The following MAP3K5 variants were observed in gnomAD, a reference collection of about 807,000 sequenced individuals.
MAP3K5 encodes ASK-1.
MAP3K5 carries 56 observed loss-of-function variants against 158.7 expected under a neutral mutation model. That is an observed-to-expected ratio of 0.35 (90% CI 0.28 to 0.44). The LOEUF (loss-of-function observed/expected upper bound fraction) is 0.44, where lower values mean the gene tolerates loss of function less well. Ranked by LOEUF, MAP3K5 falls within the 20% of genes least tolerant of loss-of-function variation. The pLI, the probability that MAP3K5 is intolerant of heterozygous loss-of-function variation, is 1.00. For synonymous variants in MAP3K5, 579 were observed against 601.7 expected (o/e 0.96, Z 0.55); for missense variants, 1,294 against 1,674.8 (o/e 0.77, Z 3.97).
intron 2 of MAP3K5, among the ~76,000 whole-genome samples, chr6:136,711,341 C>A (rs139788441): frequency 1.3e-5 from 2 of 152,182 alleles, no homozygotes; most frequent in East Asian, 3.9e-4. Context: ...CCAAACAAGT[C>A]ATCACGCGTC....
intron 2 of MAP3K5, among the ~76,000 whole-genome samples, chr6:136,711,674 A>G (rs1273843849): frequency 2.7e-5 from 1 of 37,044 alleles, no homozygotes; most frequent in African/African-American, 1.2e-4. Context: ...AAAAAAAAAA[A>G]GAAAGAAAGA....
In MAP3K5 at chr6:136,663,568, A is replaced by G. The variant is rs74861875; in HGVS notation, c.1367-4190T>C. ...CCAAACCAGAATCCAATCAAGGAAC[A>G]TTAATTGCATTTAGTTTTTATGTCT... On this transcript the variant is annotated intron_variant, in intron 8 of 29. Coordinates refer to ENST00000359015, the MANE Select transcript of MAP3K5 (RefSeq NM_005923.4). Among the ~76,000 whole-genome samples, 454 of 150,084 alleles carry G rather than the reference A, an allele frequency of 3.0e-3. 16 individuals are homozygous for G. The East Asian group carries it at 0.048, about 16-fold the overall frequency.
At chr6:136,688,121 T>G (rs1016638327) in intron 7 of MAP3K5, among the ~76,000 whole-genome samples, 4 of 152,002 alleles carry the variant, frequency 2.6e-5, no homozygotes, top group Admixed American at 2.6e-4. Flanking sequence ...CCTTTGCAGG[T>G]ACATGGATGA....
At chr6:136,589,611 C>A (rs1775294560) in intron 23 of MAP3K5, among the ~76,000 whole-genome samples, 2 of 152,068 alleles carry the variant, frequency 1.3e-5, no homozygotes, top group Non-Finnish European at 2.9e-5. Context: ...GGAGACAGGG[C>A]CTCAAAAGGG....
intron 15 of MAP3K5, among the ~76,000 whole-genome samples, chr6:136,616,811 CT>C (rs1269985052): frequency 1.3e-5 from 2 of 152,118 alleles, no homozygotes; most frequent in Non-Finnish European, 2.9e-5. Flanking sequence ...TCACTGCACC[CT>C]CAGCCTCCCA....
At chr6:136,744,238 A>G (rs963412203) in intron 1 of MAP3K5, among the ~76,000 whole-genome samples, 14 of 152,190 alleles carry the variant, frequency 9.2e-5, no homozygotes, top group African/African-American at 3.4e-4. Context: ...GTATATTAAC[A>G]GCAGAGGAGG....
At position 136,567,906 on chromosome 6, in the gene MAP3K5, T is replaced by G. The variant is rs147911318; in HGVS notation, c.3518-32A>C. 57 of 1,603,582 alleles carry G rather than the reference T, an allele frequency of 3.6e-5. No individual in the cohort carries two copies. The African/African-American group carries it at 5.3e-4, about 15-fold the overall frequency. On this transcript the variant is annotated intron_variant, in intron 25 of 29. Transcript: ENST00000359015. The stretch of plus-strand genomic sequence containing the variant: ...GGCATAATATCAGTGGTAGTGTTTA[T>G]AAAATATGACTCATTGCCTTAATTT...
At chr6:136,787,212 A>G (rs1306397106) in intron 1 of MAP3K5, among the ~76,000 whole-genome samples, 2 of 152,106 alleles carry the variant, frequency 1.3e-5, no homozygotes, top group African/African-American at 4.8e-5. Context: ...AAAAGGAAAA[A>G]AGCAAACAAA....
chr6:136,771,038 A>G (rs1784177863), intron 1 of MAP3K5, among the ~76,000 whole-genome samples: 2 of 152,220 alleles, frequency 1.3e-5, no homozygotes, highest in African/African-American at 4.8e-5. Context: ...GGAACTAGAC[A>G]TGGAAACCAA....
intron 14 of MAP3K5, among the ~76,000 whole-genome samples, chr6:136,624,783 T>C (rs1480056248): frequency 6.6e-6 from 1 of 152,184 alleles, no homozygotes; most frequent in Non-Finnish European, 1.5e-5. Flanking sequence ...AAAAATTTCA[T>C]GATCTTAAAA....
chr6:136,619,571 C>T (rs541352607), intron 15 of MAP3K5, among the ~76,000 whole-genome samples: 1 of 152,304 alleles, frequency 6.6e-6, no homozygotes, highest in South Asian at 2.1e-4. Flanking sequence ...TTTGTTACAA[C>T]TGATGGACCT....
intron 3 of MAP3K5, among the ~76,000 whole-genome samples, chr6:136,700,915 A>G (rs1289848436): frequency 6.6e-6 from 1 of 152,234 alleles, no homozygotes. Flanking sequence ...ATTCCTAGCC[A>G]TATGAGCATA....
chr6:136,698,711 G>C lies in MAP3K5; in HGVS notation c.613-29C>G. ...CGGAGAGAGGAGGCATCGGCAAGTGGGGAGCTGGCCTGGAGACACGGCACA... is the reference window on the plus strand; with the variant it reads ...CGGAGAGAGGAGGCATCGGCAAGTGCGGAGCTGGCCTGGAGACACGGCACA... On this transcript the variant is annotated intron_variant, in intron 3 of 29. Transcript: ENST00000359015. 4 of 1,575,342 alleles carry C rather than the reference G, an allele frequency of 2.5e-6. No individual in the cohort carries two copies. The South Asian group carries it at 4.5e-5, about 18-fold the overall frequency.
chr6:136,669,322 C>T lies in MAP3K5; in HGVS notation c.1327G>A (p.Gly443Arg), dbSNP rs746017726. Reference protein sequence around the residue: ...INYAVLLLAAGHQFESSFELR... With the variant: ...INYAVLLLAARHQFESSFELR... ...TCAAAGGAAGATTCAAACTGGTGTC[C>T]AGCTGCCAGGAGGAGGACCGCATAA... is the stretch of plus-strand genomic sequence containing the variant. The change falls in exon 8 of 30, where the codon GGA becomes AGA. Residue 443 changes from glycine to arginine, a missense_variant. Physicochemically the swap from Gly to Arg is moderately radical, Grantham distance 125 (BLOSUM62 -2). Coordinates refer to ENST00000359015, the MANE Select transcript of MAP3K5 (RefSeq NM_005923.4). 11 of 1,613,682 alleles carry T rather than the reference C, an allele frequency of 6.8e-6. No homozygotes were observed. The African/African-American group carries it at 1.5e-4, about 22-fold the overall frequency.
intron 21 of MAP3K5, among the ~76,000 whole-genome samples, chr6:136,600,817 A>G (rs1278404989): frequency 6.6e-6 from 1 of 152,116 alleles, no homozygotes; most frequent in Non-Finnish European, 1.5e-5. Context: ...ATCCCCACTC[A>G]TGAAAGAGAA....
chr6:136,703,691 G>C (rs1287996537), intron 3 of MAP3K5, among the ~76,000 whole-genome samples: 2 of 152,216 alleles, frequency 1.3e-5, no homozygotes, highest in Non-Finnish European at 2.9e-5. Context: ...AGATAGGAAG[G>C]ATAAGAGTTT....
chr6:136,694,542 T>C (rs1223465502), intron 6 of MAP3K5, among the ~76,000 whole-genome samples: 1 of 152,232 alleles, frequency 6.6e-6, no homozygotes, highest in African/African-American at 2.4e-5. Flanking sequence ...TCTGTGTTAA[T>C]AATGGTGATG....
intron 1 of MAP3K5, 90 bp from the exon 2 acceptor site, chr6:136,720,679 A>G: frequency 2.2e-6 from 2 of 925,954 alleles, no homozygotes; most frequent in Non-Finnish European, 3.2e-6. Flanking sequence ...AGTATTCAAA[A>G]GAGGAAATAA....
At chr6:136,737,033 G>GTATATATATA (rs796790486) in intron 1 of MAP3K5, among the ~76,000 whole-genome samples, 16,947 of 111,248 alleles carry the variant, frequency 0.15, 1,640 homozygotes, top group East Asian at 0.21. Context: ...ATATATATGT[G>GTATATATATA]TGTGTATATA....
Sources: allele counts gnomAD v4.1 joint callset (sites outside exome capture counted in the v4.1 genomes callset), GRCh38; gene constraint gnomAD v4.1.1; transcripts MANE v1.5; gene names NCBI Gene and HGNC (gene_info 2026-07-23, HGNC 2026-07-21).